Variants in DLG2 observed in about 807,000 individuals in gnomAD.
The protein encoded by DLG2 is discs large MAGUK scaffold protein 2.
DLG2 carries 45 observed loss-of-function variants against 132.5 expected under a neutral mutation model. The observed-to-expected ratio is 0.34, with a 90% CI of 0.27 to 0.44. The LOEUF (loss-of-function observed/expected upper bound fraction) is 0.44. DLG2 is among the 20% of genes least tolerant of loss of function. The probability of loss-of-function intolerance (pLI) is 1.00; values close to 1 mark genes in which losing one functional copy is unlikely to be tolerated. For missense variants in DLG2, 1,045 were observed against 1,196.9 expected (o/e 0.87, Z 1.87); for synonymous variants, 424 against 419.6 (o/e 1.01, Z -0.13).
chr11:83,760,046 C>T (rs1161232600), intron 18 of DLG2, among the ~76,000 whole-genome samples: 1 of 152,130 alleles, frequency 6.6e-6, no homozygotes, highest in Non-Finnish European at 1.5e-5. Context: ...CCATGGGTGG[C>T]CTTCTATTCC....
chr11:85,173,978 C>A (rs185470208), intron 4 of DLG2, among the ~76,000 whole-genome samples: 1 of 152,132 alleles, frequency 6.6e-6, no homozygotes, highest in African/African-American at 2.4e-5. Flanking sequence ...GAAGAAAGTT[C>A]CTAGAGAACT....
intron 9 of DLG2, among the ~76,000 whole-genome samples, chr11:84,109,921 T>C (rs1595465163): frequency 6.6e-6 from 1 of 152,192 alleles, no homozygotes; most frequent in East Asian, 1.9e-4. Flanking sequence ...CTACATTTTA[T>C]TAAAACTCAA....
At chr11:83,619,825 C>A (rs552787043) in intron 19 of DLG2, among the ~76,000 whole-genome samples, 1 of 152,118 alleles carries the variant, frequency 6.6e-6, no homozygotes, top group Non-Finnish European at 1.5e-5. Context: ...TTACAGCAAC[C>A]AGAAACACAA....
Position 84,579,636 on chromosome 11 carries a change from G to T in DLG2, c.358-44905C>A, listed in dbSNP as rs561190133. On this transcript the variant is annotated intron_variant, in intron 6 of 27. Transcript: ENST00000376104. ...GGAGGTTGGCAAGGTGAATCTGTGG[G>T]ATATGGATATGATGCTTAACTTGCT... Among the ~76,000 whole-genome samples, 22 of 152,254 alleles carry T rather than the reference G, an allele frequency of 1.4e-4. No individual in the cohort carries two copies. The Middle Eastern group carries it at 0.01, about 71-fold the overall frequency.
intron 9 of DLG2, among the ~76,000 whole-genome samples, 165 bp downstream of exon 9, chr11:84,163,296 T>C (rs958736060): frequency 1.3e-5 from 2 of 152,202 alleles, no homozygotes; most frequent in African/African-American, 4.8e-5. Context: ...GCTGTCTCAA[T>C]GCTTTCTACT....
rs2096909251 is a variant in DLG2 at position 83,578,042 on chromosome 11, T to TGTG, written c.1941-36185_1941-36184insCAC. On this transcript the variant is annotated intron_variant, in intron 19 of 27. Transcript: ENST00000376104. ...CTAACAATGTGTCATGGGGTTTATT[T>TGTG]TGTGTGTGTGTGTGTATACATATAT... 6.0e-5 allele frequency among the ~76,000 whole-genome samples: 8 copies of TGTG among 132,490 alleles called. No homozygotes were observed. In the South Asian group the frequency reaches 1.9e-3, roughly 31 times the overall value. The allele number at this position is 132,490 out of a possible 152,430, so 86.9% of individuals were successfully genotyped here. A position where few individuals can be genotyped will look rare whatever the true frequency, so the allele number is the denominator to read the frequency against.
chr11:84,803,968 A>G (rs2153963504), intron 6 of DLG2, among the ~76,000 whole-genome samples: 1 of 152,320 alleles, frequency 6.6e-6, no homozygotes, highest in Non-Finnish European at 1.5e-5. Flanking sequence ...GCATGCATAT[A>G]AAAGTGGTAG....
intron 11 of DLG2, among the ~76,000 whole-genome samples, chr11:84,002,672 C>T (rs1193828165): frequency 1.3e-5 from 2 of 152,058 alleles, no homozygotes; most frequent in African/African-American, 4.8e-5. Flanking sequence ...AGCAGCAAGG[C>T]CCTCGTCCTT....
At chr11:83,866,387 G>A (rs1177365791) in intron 16 of DLG2, among the ~76,000 whole-genome samples, 2 of 152,088 alleles carry the variant, frequency 1.3e-5, no homozygotes, top group African/African-American at 4.8e-5. Flanking sequence ...TGGAATAATG[G>A]TTCTGGTTTT....
At chr11:83,906,379 C>T (rs1345302922) in intron 15 of DLG2, among the ~76,000 whole-genome samples, 1 of 150,532 alleles carries the variant, frequency 6.6e-6, no homozygotes, top group Non-Finnish European at 1.5e-5. Context: ...GCCAAGATTT[C>T]AATAATTAAT....
intron 7 of DLG2, chr11:84,273,086 C>T: frequency 7.6e-7 from 1 of 1,324,250 alleles, no homozygotes; most frequent in Non-Finnish European, 1.0e-6. Context: ...TCTATAGATA[C>T]AACAGGAGAA....
At chr11:84,390,141 T>A (rs1488396619) in intron 7 of DLG2, among the ~76,000 whole-genome samples, 1 of 152,160 alleles carries the variant, frequency 6.6e-6, no homozygotes, top group Non-Finnish European at 1.5e-5. Context: ...TATGAGCTAC[T>A]TTTCTACAGC....
chr11:85,303,018 G>A (rs1018057332), intron 3 of DLG2, among the ~76,000 whole-genome samples: 1 of 152,156 alleles, frequency 6.6e-6, no homozygotes, highest in Non-Finnish European at 1.5e-5. Context: ...GTAAGTGATG[G>A]AACCAGGATT....
intron 7 of DLG2, among the ~76,000 whole-genome samples, chr11:84,489,971 C>A (rs1404973167): frequency 2.0e-5 from 3 of 151,452 alleles, no homozygotes; most frequent in African/African-American, 4.9e-5. Context: ...GAGGAAGTAC[C>A]AAAAGAAAAA....
chr11:84,815,313 A>G (rs2076978648), intron 6 of DLG2, among the ~76,000 whole-genome samples: 1 of 152,074 alleles, frequency 6.6e-6, no homozygotes, highest in South Asian at 2.1e-4. Flanking sequence ...AATTGTGAGG[A>G]GAGTTTTTGA....
intron 14 of DLG2, among the ~76,000 whole-genome samples, chr11:83,947,405 T>C (rs1467319944): frequency 1.3e-5 from 2 of 152,152 alleles, no homozygotes; most frequent in African/African-American, 4.8e-5. Flanking sequence ...TGAATCAATA[T>C]AAAGTCACAA....
At chr11:85,095,278 G>A (rs1231727316) in intron 6 of DLG2, among the ~76,000 whole-genome samples, 1 of 152,178 alleles carries the variant, frequency 6.6e-6, no homozygotes, top group African/African-American at 2.4e-5. Context: ...TTGGAAAAAT[G>A]TTGCCAATAG....
chr11:83,906,257 TCACACACACACACA>T (rs540642615), intron 15 of DLG2, among the ~76,000 whole-genome samples: 2,471 of 67,080 alleles, frequency 0.037, 189 homozygotes, highest in African/African-American at 0.1. Flanking sequence ...TCTCTCTCTC[TCACACACACACACA>T]CACACACACA....
At chr11:85,539,213 C>T (rs965914663) in intron 3 of DLG2, among the ~76,000 whole-genome samples, 3 of 151,740 alleles carry the variant, frequency 2.0e-5, no homozygotes, top group African/African-American at 7.3e-5. Flanking sequence ...TATCACATTT[C>T]TGAATGCAGT....
Sources: gnomAD v4.1 joint callset for allele counts (sites outside exome capture counted in the v4.1 genomes callset) on GRCh38, gnomAD v4.1.1 for gene constraint, MANE v1.5 for transcripts, NCBI Gene and HGNC (gene_info 2026-07-23, HGNC 2026-07-21) for gene names.